GLIS3: variants seen among roughly 807,000 people sequenced by gnomAD.
The protein encoded by GLIS3 is GLIS family zinc finger 3.
A neutral mutation model predicts 78.6 loss-of-function variants in GLIS3; 53 were observed. That is an observed-to-expected ratio of 0.67 (90% CI 0.54 to 0.85). GLIS3 has a LOEUF of 0.85. Ranked by LOEUF, GLIS3 falls within the 40% of genes least tolerant of loss-of-function variation. The probability of loss-of-function intolerance (pLI) is 0.00; values close to 1 mark genes in which losing one functional copy is unlikely to be tolerated. For synonymous variants in GLIS3, 684 were observed against 509.9 expected, an observed-to-expected ratio of 1.34 and a Z score of -4.60; for missense variants, 1,703 against 1,231.1, an observed-to-expected ratio of 1.38 and a Z score of -5.74.
At chr9:4,130,618 C>G (rs184055593) in intron 2 of GLIS3, among the ~76,000 whole-genome samples, 28 of 152,282 alleles carry the variant, frequency 1.8e-4, no homozygotes, top group African/African-American at 6.3e-4. Context: ...TGTAGGTGCA[C>G]GAAATGCAAG....
intron 2 of GLIS3, among the ~76,000 whole-genome samples, chr9:4,249,332 C>T (rs914986348): frequency 2.0e-5 from 3 of 152,118 alleles, no homozygotes; most frequent in Non-Finnish European, 4.4e-5. Context: ...TGAAGAGATC[C>T]TTCACATCCC....
intron 8 of GLIS3, among the ~76,000 whole-genome samples, chr9:3,876,479 T>C (rs964304355): frequency 1.3e-5 from 2 of 150,564 alleles, no homozygotes; most frequent in Admixed American, 1.3e-4. Context: ...AATGTTAAAT[T>C]TCCTGAGTAT....
chr9:4,183,386 T>G (rs765310371), intron 2 of GLIS3, among the ~76,000 whole-genome samples: 20 of 152,192 alleles, frequency 1.3e-4, no homozygotes, highest in Non-Finnish European at 2.9e-5. Context: ...CATTCATTAC[T>G]CATATAATAG....
chr9:4,087,586 G>A, intron 4 of GLIS3, among the ~76,000 whole-genome samples: 1 of 152,110 alleles, frequency 6.6e-6, no homozygotes, highest in Non-Finnish European at 1.5e-5. Context: ...TACAGGATGT[G>A]GGCTCTGGCC....
At chr9:4,363,750 T>G in the GLIS3 span, among the ~76,000 whole-genome samples, 1 of 152,174 alleles carries the variant, frequency 6.6e-6, no homozygotes, top group African/African-American at 2.4e-5. Context: ...GAAATTTCAT[T>G]TCATTTGTCT....
rs367873323 is a variant in GLIS3, at chr9:4,091,489, A to G, written c.1710+26279T>C. The stretch of plus-strand genomic sequence containing the variant: ...TAATAATAAACACAGATCACTTACC[A>G]TAAGTCAGGCACTTCATTAGACTAC... On this transcript the variant is annotated intron_variant, in intron 4 of 10. Coordinates refer to ENST00000381971, the MANE Select transcript of GLIS3 (RefSeq NM_001042413.2). Among the ~76,000 whole-genome samples the G allele has an allele frequency of 4.6e-5, 7 of 152,164 alleles. No homozygotes were observed. The East Asian group carries it at 5.8e-4, about 13-fold the overall frequency.
At chr9:4,150,779 C>A (rs1236984436) in intron 2 of GLIS3, among the ~76,000 whole-genome samples, 5 of 152,046 alleles carry the variant, frequency 3.3e-5, no homozygotes, top group Admixed American at 3.3e-4. Context: ...AAATTCAAGT[C>A]CAGAGATGTA....
intron 4 of GLIS3, among the ~76,000 whole-genome samples, chr9:4,108,905 G>A (rs567250042): frequency 2.8e-4 from 42 of 152,194 alleles, no homozygotes; most frequent in African/African-American, 9.9e-4. Context: ...CTACAACCTT[G>A]GGTGGCTCAA....
intron 2 of GLIS3, among the ~76,000 whole-genome samples, chr9:4,342,610 T>C (rs1817850914): frequency 6.6e-6 from 1 of 152,224 alleles, no homozygotes; most frequent in East Asian, 1.9e-4. Context: ...AATACTATAA[T>C]AGTTCTTTTC....
At chr9:4,130,548 C>A (rs546026385) in intron 2 of GLIS3, among the ~76,000 whole-genome samples, 2 of 152,222 alleles carry the variant, frequency 1.3e-5, no homozygotes, top group South Asian at 4.1e-4. Context: ...ACAGCTCAGG[C>A]CTCTGCTTCA....
At chr9:4,229,242 G>A (rs541189981) in intron 2 of GLIS3, among the ~76,000 whole-genome samples, 5 of 152,300 alleles carry the variant, frequency 3.3e-5, no homozygotes, top group Non-Finnish European at 5.9e-5. Flanking sequence ...ATTTGCTTTC[G>A]CTGAAATCGC....
rs377173100 is a variant in GLIS3, at chr9:3,922,110, C to T, written c.1983+10250G>A. 1.2e-4 allele frequency among the ~76,000 whole-genome samples: 19 copies of T among 152,322 alleles called. 1 individual carries two copies. The South Asian group carries it at 3.7e-3, about 30-fold the overall frequency. ...ATATGTACTAAGATCTATATACTAGCATATGCGCTATAGAATTGTTCATGA... is the reference window on the plus strand; with the variant it reads ...ATATGTACTAAGATCTATATACTAGTATATGCGCTATAGAATTGTTCATGA... On this transcript the variant is annotated intron_variant, in intron 6 of 10. Transcript: ENST00000381971.
chr9:4,248,656 A>T (rs777137640), intron 2 of GLIS3, among the ~76,000 whole-genome samples: 4 of 152,196 alleles, frequency 2.6e-5, no homozygotes, highest in Admixed American at 1.3e-4. Flanking sequence ...ATCCTTGAGG[A>T]ATCGCCACAC....
Position 4,106,480 on chromosome 9 carries a change from T to C in GLIS3, c.1710+11288A>G, listed in dbSNP as rs191088639. On this transcript the variant is annotated intron_variant, in intron 4 of 10. Transcript: ENST00000381971. ...TACAATTTGTCATCCTTGGGGGTAATTTTGCAAGCTTAAACACACTAAAGG... is the reference window on the plus strand; with the variant it reads ...TACAATTTGTCATCCTTGGGGGTAACTTTGCAAGCTTAAACACACTAAAGG... Among the ~76,000 whole-genome samples the C allele has an allele frequency of 5.8e-3, 888 of 152,244 alleles. 7 individuals are homozygous for C. Among genetic ancestry groups the C allele is most frequent in the Non-Finnish European group, 8.9e-3 (605 of 68,008 alleles).
chr9:4,440,232 TG>T, the GLIS3 span, among the ~76,000 whole-genome samples: 1 of 152,226 alleles, frequency 6.6e-6, no homozygotes, highest in Non-Finnish European at 1.5e-5. Flanking sequence ...TTGTTGCCTG[TG>T]ATTTTGAGGT....
At chr9:4,293,691 T>C (rs559628744) in intron 1 of GLIS3, among the ~76,000 whole-genome samples, 14 of 152,316 alleles carry the variant, frequency 9.2e-5, no homozygotes, top group Admixed American at 6.5e-4. Flanking sequence ...ACAAAAGAAA[T>C]TTGATGGAGC....
rs1825680138 is a variant in GLIS3 at position 3,932,477 on chromosome 9, G to A, written c.1873-7C>T. On this transcript the variant is annotated splice_polypyrimidine_tract_variant and splice_region_variant and intron_variant, in intron 5 of 10. Transcript: ENST00000381971. ...TTTGACAAGCATAAGGTTTCTAAAT[G>A]AGAAAGAAAGAAAGAAACAGCTGTG... 1.3e-6 allele frequency: 2 copies of A among 1,587,006 alleles called. No individual in the cohort carries two copies. The highest frequency in any genetic ancestry group is 1.7e-6 in the Non-Finnish European group (2 of 1,155,614).
At chr9:4,112,565 G>C (rs907364820) in intron 4 of GLIS3, among the ~76,000 whole-genome samples, 1 of 152,128 alleles carries the variant, frequency 6.6e-6, no homozygotes, top group Non-Finnish European at 1.5e-5. Flanking sequence ...TGGGACCCAG[G>C]TACGGGTACT....
chr9:3,879,289 G>A, intron 8 of GLIS3, 138 bp downstream of exon 8: 1 of 805,966 alleles, frequency 1.2e-6, no homozygotes, highest in Non-Finnish European at 2.2e-6. Context: ...CTTTGTGTAT[G>A]TACTTTTAAA....
Sources: allele counts gnomAD v4.1 joint callset (sites outside exome capture counted in the v4.1 genomes callset), GRCh38; gene constraint gnomAD v4.1.1; transcripts MANE v1.5; gene names NCBI Gene and HGNC (gene_info 2026-07-23, HGNC 2026-07-21).